The following TSEN54 variants were observed in gnomAD, a reference collection of about 807,000 sequenced individuals.
The protein encoded by TSEN54 is tRNA splicing endonuclease subunit 54.
TSEN54 carries 55 observed loss-of-function variants against 61.9 expected under a neutral mutation model. The ratio of observed to expected loss-of-function variants is 0.89; its 90% CI spans 0.72 to 1.11. TSEN54 has a LOEUF of 1.11. Among genes scored for constraint, TSEN54 ranks in the 50% most tolerant of loss-of-function variants. The pLI is 0.00. For synonymous variants in TSEN54, 304 were observed against 288.7 expected, an observed-to-expected ratio of 1.05 and a Z score of -0.54; for missense variants, 760 against 687.7, an observed-to-expected ratio of 1.11 and a Z score of -1.18.
At position 75,524,497 on chromosome 17, in the gene TSEN54, C is replaced by A; in HGVS notation, c.*85C>A. 1 of 1,553,514 alleles carries A rather than the reference C, an allele frequency of 6.4e-7. No homozygotes were observed. Among genetic ancestry groups the A allele is most frequent in the African/African-American group, 1.4e-5 (1 of 73,836 alleles). ...GGACCATCTCGGCTGCCTCCTGTAC[C>A]CAGACTCTAACCTGTAGCTTCAGAG... is the stretch of plus-strand genomic sequence containing the variant. On this transcript the variant is annotated 3_prime_UTR_variant, in exon 11 of 11. Transcript: ENST00000333213.
At position 75,517,010 on chromosome 17, in the gene TSEN54, G is replaced by A. The variant is rs942876493; in HGVS notation, c.223G>A (p.Gly75Ser). Residue 75 changes from glycine (G) to serine (S), a missense_variant and splice_region_variant, in exon 3 of 11, where the codon GGC (glycine) becomes AGC (serine). Physicochemically the swap from Gly to Ser is moderately conservative, Grantham distance 56 (BLOSUM62 0). Coordinates refer to ENST00000333213, the MANE Select transcript of TSEN54 (RefSeq NM_207346.3). ...AGACCCCTCCCCACTCCTCGCCAGG[G>A]GCAGCTTGGTGGCTGCCGAGTGGAG... ...LLAEQRVERLGSLVAAEWRPE... is the reference protein window; with the variant it reads ...LLAEQRVERLSSLVAAEWRPE... 2.5e-6 allele frequency: 4 copies of A among 1,584,130 alleles called. No homozygotes were observed. The highest frequency in any genetic ancestry group is 1.2e-5 in the South Asian group (1 of 86,896).
chr17:75,517,949 A>G (rs900315900), intron 5 of TSEN54, among the ~76,000 whole-genome samples: 1 of 152,178 alleles, frequency 6.6e-6, no homozygotes, highest in Non-Finnish European at 1.5e-5. Context: ...AGTGAGTGAA[A>G]AATAGATGAA....
At position 75,524,470 on chromosome 17, in the gene TSEN54, A is replaced by G. The variant is rs766946410; in HGVS notation, c.*58A>G. On this transcript the variant is annotated 3_prime_UTR_variant, in exon 11 of 11. Transcript: ENST00000333213. ...CGGGGGACCGGGACTGTCTGTTCTC[A>G]GGGACCATCTCGGCTGCCTCCTGTA... is the stretch of plus-strand genomic sequence containing the variant. The G allele has an allele frequency of 2.4e-5, 38 of 1,608,678 alleles. No individual in the cohort carries two copies. Among genetic ancestry groups the G allele is most frequent in the South Asian group, 3.3e-5 (3 of 90,988 alleles).
At chr17:75,521,649 C>T (rs990748050) in intron 7 of TSEN54, 56 bp from the exon 8 acceptor site, 11 of 1,592,294 alleles carry the variant, frequency 6.9e-6, no homozygotes, top group East Asian at 2.2e-5. Flanking sequence ...TCCCATGGGA[C>T]GTGTGCACCT....
At position 75,524,535 on chromosome 17, in the gene TSEN54, C is replaced by T; in HGVS notation, c.*123C>T. ...TGTAGCTTCAGAGGCCAGTCTGGGC[C>T]TTGGCCCTGGGTGTCTGATACTCAC... On this transcript the variant is annotated 3_prime_UTR_variant, in exon 11 of 11. Coordinates refer to ENST00000333213, the MANE Select transcript of TSEN54 (RefSeq NM_207346.3). The T allele has an allele frequency of 7.8e-7, 1 of 1,281,628 alleles. No homozygotes were observed. Among genetic ancestry groups the T allele is most frequent in the Non-Finnish European group, 1.1e-6 (1 of 892,612 alleles). The allele number at this position is 1,281,628 out of a possible 1,614,324, so 79.4% of individuals were successfully genotyped here. A position where few individuals can be genotyped will look rare whatever the true frequency, so the allele number is the denominator to read the frequency against.
In TSEN54 at chr17:75,523,324, T is replaced by C. The variant is rs1187417149; in HGVS notation, c.1302T>C (p.Asp434=). The stretch of plus-strand genomic sequence containing the variant: ...TGCTGCAGACAACACACCTTCCTGA[T>C]GGAGGTGCCCGGTAAGTTTCCAAGC... ...ISVLQTTHLP[D]GGARLLEKSG... Residue 434 remains aspartate, a synonymous_variant, in exon 9 of 11, where the codon GAT becomes GAC. Transcript: ENST00000333213. The C allele has an allele frequency of 1.2e-6, 2 of 1,614,148 alleles. No homozygotes were observed. Among genetic ancestry groups the C allele is most frequent in the Non-Finnish European group, 1.7e-6 (2 of 1,179,992 alleles).
Position 75,519,048 on chromosome 17 carries a change from G to T in TSEN54, c.521+1G>T. On this transcript the variant is annotated splice_donor_variant, in intron 6 of 10. Transcript: ENST00000333213. LOFTEE classifies it high-confidence loss of function. ...ATGTGGTTCGACGATTCCAACCAAG[G>T]TAAATCCCCTTCCTGTTCCCCTTCC... 1 of 1,614,030 alleles carries T rather than the reference G, an allele frequency of 6.2e-7. No individual in the cohort carries two copies. The highest frequency in any genetic ancestry group is 8.5e-7 in the Non-Finnish European group (1 of 1,179,984).
Position 75,524,310 on chromosome 17 carries a change from C to A in TSEN54, c.1479C>A (p.Tyr493Ter), listed in dbSNP as rs2053475815. The A allele has an allele frequency of 1.2e-6, 2 of 1,614,190 alleles. No individual in the cohort carries two copies. Among genetic ancestry groups the A allele is most frequent in the Non-Finnish European group, 1.7e-6 (2 of 1,180,040 alleles). The stretch of plus-strand genomic sequence containing the variant: ...TCTGCAGCCTCAAGCGGTTGTCTTA[C>A]CAGAGTGGGGATGTCCCTCTGATCT... ...PDLCSLKRLSYQSGDVPLIFA... is the reference protein window; with the variant it reads ...PDLCSLKRLS Residue 493 changes from tyrosine to a stop codon, truncating the protein, a stop_gained, in exon 11 of 11, where the codon TAC (tyrosine) becomes TAA (stop). Transcript: ENST00000333213. LOFTEE classifies it high-confidence loss of function.
intron 9 of TSEN54, 27 bp downstream of exon 9, chr17:75,523,362 G>A: frequency 1.2e-6 from 2 of 1,613,838 alleles, no homozygotes; most frequent in Non-Finnish European, 1.7e-6. Flanking sequence ...TGCCGTCTCT[G>A]CAGTACCTTG....
chr17:75,520,948 G>C (rs1292542127), intron 6 of TSEN54, among the ~76,000 whole-genome samples: 8 of 143,670 alleles, frequency 5.6e-5, no homozygotes, highest in Non-Finnish European at 1.2e-4. Flanking sequence ...GAACGAGACT[G>C]TGTCTCAAAA....
intron 10 of TSEN54, 136 bp from the exon 11 acceptor site, chr17:75,524,126 C>T (rs1390186180): frequency 7.8e-7 from 1 of 1,283,502 alleles, no homozygotes; most frequent in Non-Finnish European, 1.1e-6. Flanking sequence ...TTCATCAGAG[C>T]CCTGTGTTTT....
In TSEN54 at chr17:75,523,750, C is replaced by G. The variant is rs745578088; in HGVS notation, c.1401C>G (p.Gly467=). The G allele has an allele frequency of 1.9e-6, 3 of 1,614,062 alleles. No individual in the cohort carries two copies. The highest frequency in any genetic ancestry group is 1.7e-6 in the Non-Finnish European group (2 of 1,179,976). ...AVATFRKNNP[G]KPYARMCISG... ...CCACATTCCGAAAGAATAACCCTGGCAAACCCTATGCCCGGATGTGCATTA... is the reference window on the plus strand; with the variant it reads ...CCACATTCCGAAAGAATAACCCTGGGAAACCCTATGCCCGGATGTGCATTA... The change falls in exon 10 of 11, where the codon GGC becomes GGG. Residue 467 remains glycine (G), a synonymous_variant. Coordinates refer to ENST00000333213, the MANE Select transcript of TSEN54 (RefSeq NM_207346.3).
rs1435699080 is a variant in TSEN54 at position 75,519,002 on chromosome 17, G to T, written c.476G>T (p.Ser159Ile). The T allele has an allele frequency of 1.2e-6, 2 of 1,613,692 alleles. No individual in the cohort carries two copies. Among genetic ancestry groups the T allele is most frequent in the African/African-American group, 2.7e-5 (2 of 74,782 alleles). ...TTTTTTTTTTCTTTTGAGGTCTTCAGCCACCTGAAGAGGTTGGGTTATGTG... is the reference window on the plus strand; with the variant it reads ...TTTTTTTTTTCTTTTGAGGTCTTCATCCACCTGAAGAGGTTGGGTTATGTG... ...TVTFLQYQVF[S>I]HLKRLGYVVR... The change falls in exon 6 of 11, where the codon AGC becomes ATC. Residue 159 changes from serine (S) to isoleucine (I), a missense_variant. Physicochemically the swap from Ser to Ile is moderately radical, Grantham distance 142. Coordinates refer to ENST00000333213, the MANE Select transcript of TSEN54 (RefSeq NM_207346.3).
Position 75,516,795 on chromosome 17 carries a change from C to T in TSEN54, c.106C>T (p.Arg36Cys), listed in dbSNP as rs772013549. 1 of 1,587,470 alleles carries T rather than the reference C, an allele frequency of 6.3e-7. No homozygotes were observed. Among genetic ancestry groups the T allele is most frequent in the African/African-American group, 1.4e-5 (1 of 73,564 alleles). The part of the protein sequence containing the change: ...ARSRSQKLPQ[R>C]SHGPKDFLPD... Reference sequence around the variant, plus strand: ...CTCGCGGTCGCAGAAGCTGCCCCAGCGCTCGCATGGCCCCAAGGACTTTCT... The same window carrying T: ...CTCGCGGTCGCAGAAGCTGCCCCAGTGCTCGCATGGCCCCAAGGACTTTCT... The change falls in exon 2 of 11, where the codon CGC becomes TGC. Residue 36 changes from arginine (R) to cysteine (C), a missense_variant. This residue lies in a region of TSEN54 where 667 missense variants were observed against 577.8 expected (regional missense o/e 1.15). Coordinates refer to ENST00000333213, the MANE Select transcript of TSEN54 (RefSeq NM_207346.3).
At position 75,521,736 on chromosome 17, in the gene TSEN54, A is replaced by G. The variant is rs1233272443; in HGVS notation, c.655A>G (p.Asn219Asp). Reference sequence around the variant, plus strand: ...TAATAAGAAGGCCAAGGCCCTGGACAACTCCCTGCAACCCAAGAGTCTGGC... The same window carrying G: ...TAATAAGAAGGCCAAGGCCCTGGACGACTCCCTGCAACCCAAGAGTCTGGC... ...SINKKAKALDNSLQPKSLAAS... is the reference protein window; with the variant it reads ...SINKKAKALDDSLQPKSLAAS... The change falls in exon 8 of 11, where the codon AAC becomes GAC. Residue 219 changes from asparagine to aspartate, a missense_variant. Physicochemically the swap from Asn to Asp is conservative, Grantham distance 23. Coordinates refer to ENST00000333213, the MANE Select transcript of TSEN54 (RefSeq NM_207346.3). 1 of 1,613,028 alleles carries G rather than the reference A, an allele frequency of 6.2e-7. No individual in the cohort carries two copies. The highest frequency in any genetic ancestry group is 1.7e-5 in the Admixed American group (1 of 60,002).
At chr17:75,520,019 A>G (rs892242681) in intron 6 of TSEN54, among the ~76,000 whole-genome samples, 7 of 152,226 alleles carry the variant, frequency 4.6e-5, no homozygotes, top group African/African-American at 1.7e-4. Context: ...AGAAGAGCAA[A>G]ATCACTGCCC....
rs184421010 is a variant in TSEN54 at position 75,521,718 on chromosome 17, A to G, written c.637A>G (p.Lys213Glu). ...SSSSPRSINK[K>E]AKALDNSLQP... ...CACGTCCCTCAGGTCCATTAATAAGAAGGCCAAGGCCCTGGACAACTCCCT... is the reference window on the plus strand; with the variant it reads ...CACGTCCCTCAGGTCCATTAATAAGGAGGCCAAGGCCCTGGACAACTCCCT... Residue 213 changes from lysine to glutamate, a missense_variant, in exon 8 of 11, where the codon AAG becomes GAG. Around this residue, in one of 3 missense-constraint regions of TSEN54, gnomAD observed 667 missense variants for 577.8 expected, o/e 1.15. Transcript: ENST00000333213. The G allele has an allele frequency of 5.8e-5, 94 of 1,613,034 alleles. No homozygotes were observed. The highest frequency in any genetic ancestry group is 7.3e-5 in the Non-Finnish European group (86 of 1,179,892).
At position 75,522,242 on chromosome 17, in the gene TSEN54, G is replaced by A. The variant is rs1186737640; in HGVS notation, c.1161G>A (p.Arg387=). ...GGGAGTACAAGGAGCTGCTGCAGCG[G>A]CGGCAGGTGCAGAGGAGCCAGCGCC... ...SWREYKELLQ[R]RQVQRSQRRA... is the part of the protein sequence containing the mutation. Residue 387 remains arginine (R), a synonymous_variant, in exon 8 of 11, where the codon CGG becomes CGA. Transcript: ENST00000333213. The A allele has an allele frequency of 1.3e-6, 2 of 1,547,714 alleles. No homozygotes were observed. Among genetic ancestry groups the A allele is most frequent in the Non-Finnish European group, 1.7e-6 (2 of 1,145,626 alleles).
chr17:75,524,647 T>C lies in TSEN54; in HGVS notation c.*235T>C, dbSNP rs1437105590. 1.6e-6 allele frequency: 1 copy of C among 643,818 alleles called. No homozygotes were observed. The highest frequency in any genetic ancestry group is 1.8e-5 in the African/African-American group (1 of 55,838). The allele number at this position is 643,818 out of a possible 1,614,324, so 39.9% of individuals were successfully genotyped here. ...GACTCGATTTTAAGGACCCAGGAGGTGGGGCAGAAGAGAGGACTGTGTGCC... is the reference window on the plus strand; with the variant it reads ...GACTCGATTTTAAGGACCCAGGAGGCGGGGCAGAAGAGAGGACTGTGTGCC... On this transcript the variant is annotated 3_prime_UTR_variant, in exon 11 of 11. Transcript: ENST00000333213.
Sources: gnomAD v4.1 joint callset for allele counts (sites outside exome capture counted in the v4.1 genomes callset) on GRCh38, gnomAD v4.1.1 for gene constraint, gnomAD v4.1.1 regional missense constraint, MANE v1.5 for transcripts, NCBI Gene and HGNC (gene_info 2026-07-23, HGNC 2026-07-21) for gene names.